RALGAPA2: variants seen among roughly 807,000 people sequenced by gnomAD.
RALGAPA2 encodes Ral GTPase activating protein catalytic subunit alpha 2.
RALGAPA2 carries 139 observed loss-of-function variants against 230.4 expected under a neutral mutation model. The observed-to-expected ratio is 0.60, with a 90% CI of 0.53 to 0.69. The LOEUF (loss-of-function observed/expected upper bound fraction) is 0.69, where lower values mean the gene tolerates loss of function less well. Ranked by LOEUF, RALGAPA2 falls within the 30% of genes least tolerant of loss-of-function variation. RALGAPA2 has a pLI of 0.00. For synonymous variants in RALGAPA2, 847 were observed against 837.8 expected (o/e 1.01, Z -0.19); for missense variants, 2,163 against 2,276.0 (o/e 0.95, Z 1.01).
At chr20:20,635,170 A>G (rs1479229148) in intron 9 of RALGAPA2, among the ~76,000 whole-genome samples, 1 of 152,144 alleles carries the variant, frequency 6.6e-6, no homozygotes, top group Non-Finnish European at 1.5e-5. Flanking sequence ...TGCACACAAC[A>G]GCTATCTTCT....
chr20:20,705,025 A>G (rs2069540080), intron 1 of RALGAPA2, among the ~76,000 whole-genome samples: 1 of 152,104 alleles, frequency 6.6e-6, no homozygotes, highest in African/African-American at 2.4e-5. Context: ...ACCTGTGCCC[A>G]CCTCTATGGT....
chr20:20,619,811 C>T (rs2066266701), intron 11 of RALGAPA2, among the ~76,000 whole-genome samples: 1 of 152,148 alleles, frequency 6.6e-6, no homozygotes, highest in Non-Finnish European at 1.5e-5. Context: ...TGACATGCCT[C>T]TAGTGAGAAA....
At chr20:20,704,785 G>A (rs1461552595) in intron 1 of RALGAPA2, among the ~76,000 whole-genome samples, 1 of 152,142 alleles carries the variant, frequency 6.6e-6, no homozygotes, top group East Asian at 1.9e-4. Context: ...CCCTTCACTG[G>A]AGTCCCAACA....
rs556305535 is a variant in RALGAPA2, at chr20:20,412,071, G to A, written c.5573C>T (p.Ala1858Val). The stretch of plus-strand genomic sequence containing the variant: ...GCTGGGAGAGGGAGAAAAGACTTGG[G>A]CTGCGAAATCCTCGAATGTCATTAC... Reference protein sequence around the residue: ...REVMTFEDFAAQVFSPSPSYS... With the variant: ...REVMTFEDFAVQVFSPSPSYS... The change falls in exon 38 of 40, where the codon GCC becomes GTC. Residue 1858 changes from alanine (A) to valine (V), a missense_variant. Ala to Val is a moderately conservative substitution (Grantham distance 64). Transcript: ENST00000202677. 2.5e-6 allele frequency: 4 copies of A among 1,613,996 alleles called. No homozygotes were observed. In the African/African-American group the frequency reaches 5.3e-5, roughly 22 times the overall value.
intron 23 of RALGAPA2, among the ~76,000 whole-genome samples, chr20:20,553,091 C>T (rs1234119315): frequency 6.6e-6 from 1 of 152,140 alleles, no homozygotes; most frequent in Non-Finnish European, 1.5e-5. Flanking sequence ...GTGGTATGTG[C>T]TTTACATTAT....
At chr20:20,518,533 T>C (rs1388409293) in intron 31 of RALGAPA2, among the ~76,000 whole-genome samples, 1 of 152,208 alleles carries the variant, frequency 6.6e-6, no homozygotes, top group Non-Finnish European at 1.5e-5. Flanking sequence ...ACCAATATGT[T>C]TTTAAGCATC....
intron 20 of RALGAPA2, among the ~76,000 whole-genome samples, chr20:20,582,198 C>CTG (rs2065009959): frequency 9.1e-6 from 1 of 110,316 alleles, no homozygotes; most frequent in Non-Finnish European, 2.0e-5. Context: ...GTGTGTGTGT[C>CTG]TGTGTGTGTG....
chr20:20,634,414 T>C lies in RALGAPA2; in HGVS notation c.1005+1004A>G, dbSNP rs2066787722. On this transcript the variant is annotated intron_variant, in intron 9 of 39. Coordinates refer to ENST00000202677, the MANE Select transcript of RALGAPA2 (RefSeq NM_020343.4). ...CATTTAAAGGTTTCTTAAAACTTTC[T>C]TTCAGCAAGTCTTTCATTGTTCTTA... Among the ~76,000 whole-genome samples, 7 of 152,374 alleles carry C rather than the reference T, an allele frequency of 4.6e-5. No individual in the cohort carries two copies. In the South Asian group the frequency reaches 1.5e-3, roughly 32 times the overall value.
In RALGAPA2 at chr20:20,521,031, C is replaced by T. The variant is rs114585674; in HGVS notation, c.3970G>A (p.Asp1324Asn). ...QQSHYILTLA[D>N]LSSTDYDPFL... ...GGGTCATAATCCGTGGATGACAAGT[C>T]AGCCAGGGTCAGTATGTAGTGACTC... Residue 1324 changes from aspartate to asparagine, a missense_variant, in exon 31 of 40, where the codon GAC (aspartate) becomes AAC (asparagine). Transcript: ENST00000202677. The T allele has an allele frequency of 6.9e-4, 1,115 of 1,613,914 alleles. 8 individuals are homozygous for T. The African/African-American group carries it at 0.013, about 19-fold the overall frequency.
At chr20:20,413,971 A>C (rs2060115428) in intron 37 of RALGAPA2, among the ~76,000 whole-genome samples, 1 of 152,234 alleles carries the variant, frequency 6.6e-6, no homozygotes, top group Non-Finnish European at 1.5e-5. Flanking sequence ...GAACACACTT[A>C]TTCTGCACAG....
intron 26 of RALGAPA2, among the ~76,000 whole-genome samples, chr20:20,533,179 A>G (rs2063411268): frequency 6.6e-6 from 1 of 152,066 alleles, no homozygotes; most frequent in Admixed American, 6.5e-5. Context: ...TGATAAGAGA[A>G]GTACATCCAA....
intron 20 of RALGAPA2, among the ~76,000 whole-genome samples, chr20:20,575,252 T>A (rs1332670366): frequency 6.6e-6 from 1 of 152,250 alleles, no homozygotes; most frequent in Non-Finnish European, 1.5e-5. Flanking sequence ...TGGCCTAGAT[T>A]TCTTTCCTCA....
intron 9 of RALGAPA2, among the ~76,000 whole-genome samples, chr20:20,633,423 C>T (rs978876154): frequency 6.6e-6 from 1 of 152,216 alleles, no homozygotes. Flanking sequence ...GCGAGAGCCA[C>T]TGCGCCCAGC....
At chr20:20,542,911 G>A (rs918246050) in intron 24 of RALGAPA2, among the ~76,000 whole-genome samples, 2 of 152,140 alleles carry the variant, frequency 1.3e-5, no homozygotes, top group Non-Finnish European at 2.9e-5. Context: ...TTGACAAATG[G>A]GATCTAATTA....
At chr20:20,570,603 T>C (rs545569630) in intron 23 of RALGAPA2, among the ~76,000 whole-genome samples, 221 of 152,330 alleles carry the variant, frequency 1.5e-3, no homozygotes, top group South Asian at 0.01. Context: ...TATTCCTTTC[T>C]TTCCATCCCC....
At chr20:20,636,395 A>G (rs926078928) in intron 8 of RALGAPA2, among the ~76,000 whole-genome samples, 7 of 152,226 alleles carry the variant, frequency 4.6e-5, no homozygotes, top group African/African-American at 1.7e-4. Context: ...TGTTTTTAAA[A>G]TGAATTTAGA....
At position 20,584,943 on chromosome 20, in the gene RALGAPA2, T is replaced by C; in HGVS notation, c.2452A>G (p.Arg818Gly). Residue 818 changes from arginine to glycine, a missense_variant, in exon 19 of 40, where the codon AGA (arginine) becomes GGA (glycine). Coordinates refer to ENST00000202677, the MANE Select transcript of RALGAPA2 (RefSeq NM_020343.4). ...TCCAATTCAGCAGGGCTGCTGCTTC[T>C]TCGAACTAAGATCTTCAGACAAAAA... ...EHEGITILVR[R>G]SSSPAELDLK... 2 of 1,609,966 alleles carry C rather than the reference T, an allele frequency of 1.2e-6. No homozygotes were observed. Among genetic ancestry groups the C allele is most frequent in the South Asian group, 2.2e-5 (2 of 90,572 alleles).
Position 20,572,941 on chromosome 20 carries a change from G to A in RALGAPA2, c.2835C>T (p.Ile945=), listed in dbSNP as rs759870257. 6.3e-7 allele frequency: 1 copy of A among 1,581,420 alleles called. No homozygotes were observed. The highest frequency in any genetic ancestry group is 8.6e-7 in the Non-Finnish European group (1 of 1,162,930). Residue 945 remains isoleucine (I), a synonymous_variant, in exon 21 of 40, where the codon ATC becomes ATT. Transcript: ENST00000202677. ...CTCTGGCATGGATCTTGGGTGACTGGATGTTATTCACATCTCCGAGGATCC... is the reference window on the plus strand; with the variant it reads ...CTCTGGCATGGATCTTGGGTGACTGAATGTTATTCACATCTCCGAGGATCC... ...VLGILGDVNN[I]QSPKIHARVF...
chr20:20,511,447 T>A (rs191161411), intron 32 of RALGAPA2, 122 bp from the exon 33 acceptor site: 16 of 1,403,378 alleles, frequency 1.1e-5, no homozygotes, highest in Non-Finnish European at 1.5e-5. Context: ...CACAAAAGAT[T>A]TGTGATAGAA....
Sources: gnomAD v4.1 joint callset for allele counts (sites outside exome capture counted in the v4.1 genomes callset) on GRCh38, gnomAD v4.1.1 for gene constraint, MANE v1.5 for transcripts, NCBI Gene and HGNC (gene_info 2026-07-23, HGNC 2026-07-21) for gene names.